C3orf22: variants seen among roughly 807,000 people sequenced by gnomAD.
C3orf22 encodes uncharacterized protein C3orf22.
Under a neutral mutation model 10.8 loss-of-function variants are expected in C3orf22, and 7 were observed. The ratio of observed to expected loss-of-function variants is 0.65; its 90% confidence interval spans 0.37 to 1.22. The LOEUF is 1.22. Among genes scored for constraint, C3orf22 ranks in the 50% most tolerant of loss-of-function variants. The pLI, the probability that C3orf22 is intolerant of heterozygous loss-of-function variation, is 0.02. For synonymous variants in C3orf22, 79 were observed against 78.9 expected, an observed-to-expected ratio of 1.00 and a Z score of 0.00; for missense variants, 173 against 177.0, an observed-to-expected ratio of 0.98 and a Z score of 0.13.
intron 1 of C3orf22, among the ~76,000 whole-genome samples, chr3:126,558,048 A>G (rs1937393724): frequency 6.7e-6 from 1 of 150,060 alleles, no homozygotes. Flanking sequence ...CTCAACCCTG[A>G]GGAGTGCGGG....
At chr3:126,552,816 G>A (rs1324673779) in intron 2 of C3orf22, among the ~76,000 whole-genome samples, 2 of 152,232 alleles carry the variant, frequency 1.3e-5, no homozygotes, top group East Asian at 1.9e-4. Flanking sequence ...CAGCTGCCCT[G>A]CGCCCCAGGC....
At chr3:126,531,949 C>T (rs1936668586) in intron 4 of C3orf22, among the ~76,000 whole-genome samples, 1 of 152,232 alleles carries the variant, frequency 6.6e-6, no homozygotes, top group Non-Finnish European at 1.5e-5. Context: ...TCCAATTTCT[C>T]CACATCCTTG....
At chr3:126,533,779 G>C in intron 4 of C3orf22, among the ~76,000 whole-genome samples, 1 of 152,092 alleles carries the variant, frequency 6.6e-6, no homozygotes, top group African/African-American at 2.4e-5. Flanking sequence ...TTTTTTGAAA[G>C]AGTTTATGAA....
intron 1 of C3orf22, among the ~76,000 whole-genome samples, chr3:126,557,687 C>CCATCT (rs1157171004): frequency 6.6e-6 from 1 of 152,232 alleles, no homozygotes; most frequent in Non-Finnish European, 1.5e-5. Flanking sequence ...CCTCCGTGCC[C>CCATCT]CATCTCTGAC....
intron 4 of C3orf22, among the ~76,000 whole-genome samples, chr3:126,530,231 A>G (rs928566758): frequency 1.3e-5 from 2 of 152,210 alleles, no homozygotes; most frequent in Non-Finnish European, 1.5e-5. Flanking sequence ...CAGCCCTGTA[A>G]TCACTGGCCA....
At chr3:126,531,028 C>T (rs954400887) in intron 4 of C3orf22, among the ~76,000 whole-genome samples, 3 of 152,264 alleles carry the variant, frequency 2.0e-5, no homozygotes, top group Non-Finnish European at 4.4e-5. Flanking sequence ...TTCTGGAGGC[C>T]AGTGCAAGGC....
At chr3:126,531,830 G>T (rs1405140282) in intron 4 of C3orf22, among the ~76,000 whole-genome samples, 1 of 152,208 alleles carries the variant, frequency 6.6e-6, no homozygotes, top group Non-Finnish European at 1.5e-5. Flanking sequence ...CTTAGGAGAG[G>T]AATTGCTGGG....
chr3:126,539,711 G>A (rs1341931484), intron 4 of C3orf22, among the ~76,000 whole-genome samples: 1 of 47,236 alleles, frequency 2.1e-5, no homozygotes, highest in Non-Finnish European at 4.0e-5. Context: ...ACACACATAT[G>A]CCACACACAC....
At chr3:126,536,237 T>C in intron 4 of C3orf22, 1 of 1,593,960 alleles carries the variant, frequency 6.3e-7, no homozygotes, top group South Asian at 1.1e-5. Context: ...GTCCCTCTGA[T>C]ATGGTGGCGA....
At chr3:126,542,715 G>A (rs1576239478) in intron 4 of C3orf22, 6 of 1,285,472 alleles carry the variant, frequency 4.7e-6, no homozygotes, top group African/African-American at 1.6e-5. Context: ...GCCAGCGGGC[G>A]CAGGGCACAC....
chr3:126,536,611 T>TA (rs1286508382), intron 4 of C3orf22, among the ~76,000 whole-genome samples: 5 of 151,866 alleles, frequency 3.3e-5, no homozygotes, highest in Non-Finnish European at 7.4e-5. Context: ...GTGTTGCAGA[T>TA]AAAAAAGAGT....
chr3:126,536,048 C>A (rs968765362), intron 4 of C3orf22, among the ~76,000 whole-genome samples: 2 of 152,162 alleles, frequency 1.3e-5, no homozygotes, highest in African/African-American at 4.8e-5. Context: ...GAGGGTAGGA[C>A]ATGGGAGCAG....
chr3:126,527,004 G>A (rs1476424549), exon 6 of C3orf22: 1 of 152,248 alleles, frequency 6.6e-6, no homozygotes, highest in Non-Finnish European at 1.5e-5. Flanking sequence ...GCCTCGAGGA[G>A]CTTACATTTT....
At chr3:126,553,470 T>C (rs1453395307) in intron 1 of C3orf22, 40 bp from the exon 2 acceptor site, 3 of 543,664 alleles carry the variant, frequency 5.5e-6, no homozygotes, top group Non-Finnish European at 1.0e-5. Flanking sequence ...GCAGGGGTGG[T>C]GGGGGGCAGA....
chr3:126,537,938 T>G (rs1936832997), intron 4 of C3orf22, among the ~76,000 whole-genome samples: 2 of 152,152 alleles, frequency 1.3e-5, no homozygotes, highest in South Asian at 4.1e-4. Context: ...CAGCAAGGAA[T>G]CCAGGCAGCC....
exon 6 of C3orf22, chr3:126,527,113 C>T (rs4592980): frequency 0.45 from 68,475 of 152,182 alleles, 15,790 homozygotes; most frequent in African/African-American, 0.55. Context: ...TCCACTCCCG[C>T]GGCTGCAGGG....
chr3:126,529,790 T>G (rs1011257444), intron 4 of C3orf22, among the ~76,000 whole-genome samples: 1 of 152,178 alleles, frequency 6.6e-6, no homozygotes, highest in African/African-American at 2.4e-5. Context: ...TTCTCTCCCC[T>G]GTCTCCCTAA....
At chr3:126,542,384 C>G in intron 4 of C3orf22, 1 of 1,558,260 alleles carries the variant, frequency 6.4e-7, no homozygotes, top group South Asian at 1.2e-5. Flanking sequence ...GGCCTTCGTG[C>G]TGGGCCTGGC....
chr3:126,540,945 C>T (rs1013484331), intron 4 of C3orf22, among the ~76,000 whole-genome samples: 5 of 152,178 alleles, frequency 3.3e-5, no homozygotes, highest in Non-Finnish European at 7.3e-5. Flanking sequence ...TTTATGAACT[C>T]TTACACAAAA....
Sources: gnomAD v4.1 joint callset for allele counts (sites outside exome capture counted in the v4.1 genomes callset) on GRCh38, gnomAD v4.1.1 for gene constraint, MANE v1.5 for transcripts, NCBI Gene and HGNC (gene_info 2026-07-23, HGNC 2026-07-21) for gene names.